Variants in TPH2 observed in about 807,000 individuals in gnomAD.
TPH2 encodes the protein tryptophan 5-hydroxylase 2.
TPH2 carries 27 observed loss-of-function variants against 59.1 expected under a neutral mutation model. The ratio of observed to expected loss-of-function variants is 0.46; its 90% confidence interval spans 0.34 to 0.63. The LOEUF (loss-of-function observed/expected upper bound fraction) is 0.63, where lower values mean the gene tolerates loss of function less well. TPH2 is among the 30% of genes least tolerant of loss of function. TPH2 has a pLI of 0.01. For synonymous variants in TPH2, 220 were observed against 210.5 expected, an observed-to-expected ratio of 1.05 and a Z score of -0.39; for missense variants, 523 against 588.3, an observed-to-expected ratio of 0.89 and a Z score of 1.15.
intron 5 of TPH2, chr12:71,964,588 C>A: frequency 1.0e-6 from 1 of 985,154 alleles, no homozygotes; most frequent in African/African-American, 1.7e-5. Context: ...TTGTAGACAC[C>A]TGGATGCAGG....
chr12:71,997,797 TCA>T (rs1872730480), intron 8 of TPH2, among the ~76,000 whole-genome samples: 1 of 152,198 alleles, frequency 6.6e-6, no homozygotes, highest in Non-Finnish European at 1.5e-5. Flanking sequence ...TTCAAGAAAG[TCA>T]CAGTCTAGTA....
chr12:72,025,108 T>A (rs1873531205), intron 9 of TPH2, among the ~76,000 whole-genome samples: 1 of 152,064 alleles, frequency 6.6e-6, no homozygotes, highest in African/African-American at 2.4e-5. Flanking sequence ...AACCTTTATT[T>A]GAATGAAAAA....
At chr12:71,961,503 G>A (rs763217608) in intron 5 of TPH2, 1 of 1,346,476 alleles carries the variant, frequency 7.4e-7, no homozygotes, top group Non-Finnish European at 9.8e-7. Flanking sequence ...GGTGCAAGAT[G>A]TATCTGATTA....
At chr12:71,961,122 G>C (rs1443615582) in intron 5 of TPH2, among the ~76,000 whole-genome samples, 1 of 152,152 alleles carries the variant, frequency 6.6e-6, no homozygotes, top group Non-Finnish European at 1.5e-5. Context: ...TCAGTACCTT[G>C]TACTGATGTG....
At chr12:72,000,018 G>A (rs1238112919) in intron 8 of TPH2, among the ~76,000 whole-genome samples, 1 of 152,134 alleles carries the variant, frequency 6.6e-6, no homozygotes, top group Non-Finnish European at 1.5e-5. Context: ...ACTTGCCTTT[G>A]AGTCATAACT....
intron 5 of TPH2, among the ~76,000 whole-genome samples, chr12:71,953,290 G>A (rs564492803): frequency 3.9e-5 from 6 of 152,240 alleles, no homozygotes; most frequent in African/African-American, 1.4e-4. Context: ...GGACTTGTGG[G>A]AAGTAGAGCC....
intron 9 of TPH2, among the ~76,000 whole-genome samples, chr12:72,022,938 G>A (rs1284027572): frequency 6.6e-6 from 1 of 152,144 alleles, no homozygotes; most frequent in Non-Finnish European, 1.5e-5. Flanking sequence ...TGTTGTTTCA[G>A]CTTCTTCAAA....
intron 5 of TPH2, among the ~76,000 whole-genome samples, chr12:71,953,076 A>G (rs1454776086): frequency 6.6e-6 from 1 of 152,162 alleles, no homozygotes; most frequent in Non-Finnish European, 1.5e-5. Context: ...TTGCATATAC[A>G]GAAGTATTTT....
intron 5 of TPH2, among the ~76,000 whole-genome samples, chr12:71,960,280 T>C (rs2139193876): frequency 6.6e-6 from 1 of 152,320 alleles, no homozygotes; most frequent in East Asian, 1.9e-4. Context: ...TGCCACGTCT[T>C]TTCTTTTTTA....
intron 4 of TPH2, among the ~76,000 whole-genome samples, chr12:71,945,960 T>A (rs184579668): frequency 1.3e-5 from 2 of 152,254 alleles, no homozygotes; most frequent in East Asian, 3.9e-4. Context: ...CATTAAAAAA[T>A]AGCTTTAGTA....
intron 7 of TPH2, among the ~76,000 whole-genome samples, chr12:71,989,247 A>C (rs1872520915): frequency 6.6e-6 from 1 of 152,222 alleles, no homozygotes; most frequent in South Asian, 2.1e-4. Context: ...GAAACTCTGT[A>C]TATGGCTCCA....
At chr12:71,967,802 C>G (rs1036373615) in intron 5 of TPH2, among the ~76,000 whole-genome samples, 9 of 152,300 alleles carry the variant, frequency 5.9e-5, no homozygotes, top group Non-Finnish European at 5.9e-5. Flanking sequence ...AGTTCCTTAG[C>G]AACATCTAAT....
chr12:71,951,264 T>G (rs2139185709), intron 5 of TPH2, among the ~76,000 whole-genome samples: 1 of 152,284 alleles, frequency 6.6e-6, no homozygotes, highest in South Asian at 2.1e-4. Context: ...ATGATGGTTG[T>G]GAGCCTTATG....
Position 71,965,986 on chromosome 12 carries a change from C to T in TPH2, c.609-6533C>T, listed in dbSNP as rs192411355. Among the ~76,000 whole-genome samples, 450 of 152,026 alleles carry T rather than the reference C, an allele frequency of 3.0e-3. 2 individuals carry two copies. The highest frequency in any genetic ancestry group is 5.6e-3 in the Admixed American group (85 of 15,258). ...TTTAATGTATCTTGAGTGATGAATTCCTTTAAAAGGTTACATTAGATTAAA... is the reference window on the plus strand; with the variant it reads ...TTTAATGTATCTTGAGTGATGAATTTCTTTAAAAGGTTACATTAGATTAAA... On this transcript the variant is annotated intron_variant, in intron 5 of 10. Coordinates refer to ENST00000333850, the MANE Select transcript of TPH2 (RefSeq NM_173353.4).
rs1872197609 is a variant in TPH2, at chr12:71,979,024, A to G, written c.878A>G (p.Tyr293Cys). 1 of 1,614,048 alleles carries G rather than the reference A, an allele frequency of 6.2e-7. No homozygotes were observed. Among genetic ancestry groups the G allele is most frequent in the Non-Finnish European group, 8.5e-7 (1 of 1,180,028 alleles). ...SPRDFLAGLA[Y>C]RVFHCTQYIR... ...CGAGACTTTCTGGCAGGACTGGCCT[A>G]CAGAGTGTTCCACTGTACCCAGTAC... Residue 293 changes from tyrosine to cysteine, a missense_variant, in exon 7 of 11, where the codon TAC becomes TGC. Transcript: ENST00000333850.
Position 71,939,073 on chromosome 12 carries a change from G to C in TPH2, c.87G>C (p.Gln29His). The C allele has an allele frequency of 1.9e-6, 3 of 1,614,010 alleles. No homozygotes were observed. The highest frequency in any genetic ancestry group is 2.5e-6 in the Non-Finnish European group (3 of 1,179,994). The change falls in exon 1 of 11, where the codon CAG becomes CAC. Residue 29 changes from glutamine to histidine, a missense_variant. By Grantham distance (24) the Gln-to-His change is conservative (BLOSUM62 0). Coordinates refer to ENST00000333850, the MANE Select transcript of TPH2 (RefSeq NM_173353.4). ...ATTCAGCAGTGCCCGAAGAGCATCA[G>C]CTACTTGGCAGCTCAACAGTGAGTA... The part of the protein sequence containing the change: ...SLDSAVPEEH[Q>H]LLGSSTLNKP...
At chr12:71,959,370 T>C (rs189985060) in intron 5 of TPH2, among the ~76,000 whole-genome samples, 1 of 152,306 alleles carries the variant, frequency 6.6e-6, no homozygotes, top group East Asian at 1.9e-4. Context: ...GGAGTAGAGC[T>C]GTTTTGCTGC....
rs1454229807 is a variant in TPH2 at position 71,989,068 on chromosome 12, C to T, written c.942-5371C>T. Among the ~76,000 whole-genome samples, 4 of 145,066 alleles carry T rather than the reference C, an allele frequency of 2.8e-5. No homozygotes were observed. In the Admixed American group the frequency reaches 2.8e-4, roughly 10 times the overall value. ...AAGGGGAAAAAGCAAAGAAGATTTTCCCCAATGCAACATCCAGGTTCCTGG... is the reference window on the plus strand; with the variant it reads ...AAGGGGAAAAAGCAAAGAAGATTTTTCCCAATGCAACATCCAGGTTCCTGG... On this transcript the variant is annotated intron_variant, in intron 7 of 10. Coordinates refer to ENST00000333850, the MANE Select transcript of TPH2 (RefSeq NM_173353.4).
At chr12:72,022,178 G>A (rs140628715) in intron 8 of TPH2, among the ~76,000 whole-genome samples, 12 of 152,246 alleles carry the variant, frequency 7.9e-5, no homozygotes, top group South Asian at 6.2e-4. Context: ...TTCAGGAAGC[G>A]TAAGACTCTT....
Sources: allele counts gnomAD v4.1 joint callset (sites outside exome capture counted in the v4.1 genomes callset), GRCh38; gene constraint gnomAD v4.1.1; transcripts MANE v1.5; gene names NCBI Gene and HGNC (gene_info 2026-07-23, HGNC 2026-07-21).